Variants in FAM184A observed in about 807,000 individuals in gnomAD.
FAM184A encodes the protein family with sequence similarity 184 member A, also known as protein FAM184A.
A neutral mutation model predicts 143.8 loss-of-function variants in FAM184A; 99 were observed. The ratio of observed to expected loss-of-function variants is 0.69; its 90% CI spans 0.58 to 0.81. The LOEUF is 0.81. Ranked by LOEUF, FAM184A falls within the 40% of genes least tolerant of loss-of-function variation. FAM184A has a pLI of 0.00. For synonymous variants in FAM184A, 427 were observed against 446.4 expected, an observed-to-expected ratio of 0.96 and a Z score of 0.55; for missense variants, 1,217 against 1,310.5, an observed-to-expected ratio of 0.93 and a Z score of 1.10.
chr6:119,030,203 A>G (rs939918683), intron 1 of FAM184A, among the ~76,000 whole-genome samples: 47 of 152,126 alleles, frequency 3.1e-4, no homozygotes, highest in Admixed American at 6.5e-5. Context: ...ACTTAAAAAG[A>G]AATAACAAAA....
chr6:119,019,881 T>A (rs2114680086), intron 4 of FAM184A, 97 bp downstream of exon 4: 1 of 1,098,456 alleles, frequency 9.1e-7, no homozygotes, highest in African/African-American at 1.6e-5. Flanking sequence ...AATGTATTGT[T>A]ACTGGGGAGT....
At chr6:119,094,437 T>G (rs1333155176) in intron 1 of FAM184A, among the ~76,000 whole-genome samples, 1 of 152,202 alleles carries the variant, frequency 6.6e-6, no homozygotes, top group Non-Finnish European at 1.5e-5. Context: ...CATCCCAGTA[T>G]TAGATACTAT....
intron 1 of FAM184A, among the ~76,000 whole-genome samples, chr6:119,128,878 CCCTTA>C (rs1265093879): frequency 5.1e-5 from 4 of 77,880 alleles, no homozygotes; most frequent in East Asian, 3.5e-4. Context: ...GAATCCCCTT[CCCTTA>C]CTAGTTTTTT....
Position 119,024,414 on chromosome 6 carries a change from A to G in FAM184A, c.559T>C (p.Leu187=), listed in dbSNP as rs776077800. The part of the protein sequence containing the change: ...VQFEKDKRLA[L]EDLQAAHRRE... ...CTGTGAGCAGCTTGCAAGTCTTCCAATGCCAATCGTTTGTCTTTTTCAAAC... is the reference window on the plus strand; with the variant it reads ...CTGTGAGCAGCTTGCAAGTCTTCCAGTGCCAATCGTTTGTCTTTTTCAAAC... Residue 187 remains leucine (L), a synonymous_variant, in exon 2 of 18, where the codon TTG becomes CTG. Coordinates refer to ENST00000338891, the MANE Select transcript of FAM184A (RefSeq NM_024581.6). 7.4e-6 allele frequency: 12 copies of G among 1,614,152 alleles called. No homozygotes were observed. The highest frequency in any genetic ancestry group is 5.5e-5 in the South Asian group (5 of 91,074).
At chr6:119,053,242 C>G (rs754104517) in intron 1 of FAM184A, among the ~76,000 whole-genome samples, 17 of 152,114 alleles carry the variant, frequency 1.1e-4, no homozygotes, top group Non-Finnish European at 2.4e-4. Context: ...AGGTCATGCA[C>G]CTCTACAAAC....
intron 15 of FAM184A, among the ~76,000 whole-genome samples, chr6:118,966,157 G>C (rs1783495294): frequency 6.6e-6 from 1 of 152,186 alleles, no homozygotes; most frequent in Non-Finnish European, 1.5e-5. Flanking sequence ...AATACATGTT[G>C]CTCTTATGCT....
intron 9 of FAM184A, among the ~76,000 whole-genome samples, chr6:118,997,915 AG>A: frequency 6.6e-6 from 1 of 152,350 alleles, no homozygotes; most frequent in East Asian, 1.9e-4. Flanking sequence ...TCTAAAAATC[AG>A]AAAGCAGTTT....
At chr6:119,016,666 C>A in intron 5 of FAM184A, 81 bp downstream of exon 5, 1 of 1,271,872 alleles carries the variant, frequency 7.9e-7, no homozygotes, top group South Asian at 1.3e-5. Context: ...TCAGTGAGAC[C>A]AAGAACCCAC....
chr6:119,122,269 G>T (rs1419886139), intron 1 of FAM184A, among the ~76,000 whole-genome samples: 1 of 152,090 alleles, frequency 6.6e-6, no homozygotes, highest in African/African-American at 2.4e-5. Context: ...GCATTAATAG[G>T]GTTTCTAGAG....
intron 16 of FAM184A, 123 bp from the exon 17 acceptor site, chr6:118,962,086 T>C: frequency 1.1e-6 from 1 of 886,514 alleles, no homozygotes. Context: ...AATTAAAATG[T>C]TAATTAACCA....
At chr6:119,048,055 G>A (rs139458037) in intron 1 of FAM184A, among the ~76,000 whole-genome samples, 13 of 152,110 alleles carry the variant, frequency 8.5e-5, no homozygotes, top group Admixed American at 3.3e-4. Context: ...CTTCATCTCC[G>A]GGATGGAAGG....
intron 1 of FAM184A, among the ~76,000 whole-genome samples, chr6:119,127,866 C>A (rs1384529732): frequency 1.3e-5 from 2 of 152,188 alleles, no homozygotes; most frequent in Non-Finnish European, 2.9e-5. Flanking sequence ...AACAAACATT[C>A]ATTGACCGTC....
chr6:119,139,535 GA>G (rs535713537), intron 1 of FAM184A, among the ~76,000 whole-genome samples: 536 of 151,790 alleles, frequency 3.5e-3, no homozygotes, highest in Non-Finnish European at 6.0e-3. Context: ...GCAGAGACAG[GA>G]AAAAATTCAA....
intron 1 of FAM184A, among the ~76,000 whole-genome samples, chr6:119,106,328 G>A (rs1251224874): frequency 6.6e-6 from 1 of 152,130 alleles, no homozygotes; most frequent in Non-Finnish European, 1.5e-5. Flanking sequence ...GGAAGGCGGA[G>A]CTTGCAGTGA....
intron 14 of FAM184A, among the ~76,000 whole-genome samples, chr6:118,971,151 A>G (rs1439100685): frequency 2.0e-5 from 3 of 152,214 alleles, no homozygotes; most frequent in African/African-American, 4.8e-5. Flanking sequence ...TTCTTTTCCC[A>G]TAAATTACGC....
intron 15 of FAM184A, 56 bp from the exon 16 acceptor site, chr6:118,964,827 A>T (rs1249339808): frequency 1.1e-6 from 1 of 922,512 alleles, no homozygotes; most frequent in Non-Finnish European, 1.7e-6. Flanking sequence ...TATTTTAAAA[A>T]CATAAATGTA....
chr6:119,033,675 A>G (rs1368737228), intron 1 of FAM184A, among the ~76,000 whole-genome samples: 1 of 148,294 alleles, frequency 6.7e-6, no homozygotes, highest in Admixed American at 6.7e-5. Flanking sequence ...AAAAAAAAAA[A>G]AAAGAAAGAA....
chr6:119,102,896 C>T (rs1038684890), intron 1 of FAM184A, among the ~76,000 whole-genome samples: 1 of 151,368 alleles, frequency 6.6e-6, no homozygotes, highest in African/African-American at 2.4e-5. Context: ...CCAGGAAATG[C>T]TACAAAGAGC....
At chr6:119,059,488 T>A (rs1245367518) in intron 1 of FAM184A, among the ~76,000 whole-genome samples, 1 of 152,252 alleles carries the variant, frequency 6.6e-6, no homozygotes, top group East Asian at 1.9e-4. Flanking sequence ...CTCCATTTAT[T>A]TTGACAGTTC....
Sources: gnomAD v4.1 joint callset for allele counts (sites outside exome capture counted in the v4.1 genomes callset) on GRCh38, gnomAD v4.1.1 for gene constraint, MANE v1.5 for transcripts, NCBI Gene and HGNC (gene_info 2026-07-23, HGNC 2026-07-21) for gene names.